PHKA2: variants seen among roughly 807,000 people sequenced by gnomAD.
PHKA2 encodes phosphorylase kinase regulatory subunit alpha 2.
A neutral mutation model predicts 102.0 loss-of-function variants in PHKA2; 31 were observed. That is an observed-to-expected ratio of 0.30 (90% CI 0.23 to 0.41). The LOEUF (loss-of-function observed/expected upper bound fraction) is 0.41, where lower values mean the gene tolerates loss of function less well. Ranked by LOEUF, PHKA2 falls within the 10% of genes least tolerant of loss-of-function variation. The probability of loss-of-function intolerance (pLI) is 1.00; values close to 1 mark genes in which losing one functional copy is unlikely to be tolerated. For missense variants in PHKA2, 858 were observed against 1,023.1 expected, an observed-to-expected ratio of 0.84 and a Z score of 2.20; for synonymous variants, 455 against 416.2, an observed-to-expected ratio of 1.09 and a Z score of -1.13.
chrX:18,978,356 C>T (rs1292536987), intron 1 of PHKA2, among the ~76,000 whole-genome samples: 1 of 111,422 alleles, frequency 9.0e-6, no homozygotes, highest in Middle Eastern at 4.2e-3. Context: ...CCCTCCCCAG[C>T]AGCCTTTTCC....
At chrX:18,926,240 C>T (rs780444456) in intron 14 of PHKA2, among the ~76,000 whole-genome samples, 2 of 112,563 alleles carry the variant, frequency 1.8e-5, no homozygotes, top group Non-Finnish European at 3.7e-5. Flanking sequence ...ACAGATCCGG[C>T]GAATGCTTGG....
chrX:18,922,177 T>C (rs992305192), intron 17 of PHKA2, among the ~76,000 whole-genome samples: 3 of 109,958 alleles, frequency 2.7e-5, no homozygotes, highest in Non-Finnish European at 3.8e-5. Context: ...ACCTGGGGGG[T>C]GGAGGTTGCA....
In PHKA2 at chrX:18,906,014, C is replaced by T. The variant is rs144321105; in HGVS notation, c.2807-155G>A. 6.6e-3 allele frequency among the ~76,000 whole-genome samples: 738 copies of T among 111,719 alleles called. 5 individuals are homozygous for T. Among genetic ancestry groups the T allele is most frequent in the Non-Finnish European group, 0.011 (598 of 53,165 alleles). ...TCACTATTGCTTTGGGGCTGAAATG[C>T]ACTGTTCCGTGGGGATTCTAAATGC... On this transcript the variant is annotated intron_variant, in intron 25 of 32. Coordinates refer to ENST00000379942, the MANE Select transcript of PHKA2 (RefSeq NM_000292.3).
rs191680142 is a variant in PHKA2 at position 18,946,052 on chromosome X, C to T, written c.538-894G>A. ...AAGCAATTCTCCTGCCTCAGCCTCC[C>T]GAGTAGCTGGGATTACAGGCGCACA... On this transcript the variant is annotated intron_variant, in intron 5 of 32. Coordinates refer to ENST00000379942, the MANE Select transcript of PHKA2 (RefSeq NM_000292.3). Among the ~76,000 whole-genome samples the T allele has an allele frequency of 6.8e-3, 750 of 109,825 alleles. 1 individual carries two copies. The highest frequency in any genetic ancestry group is 0.017 in the South Asian group (42 of 2,526).
At chrX:18,893,815 G>A (rs936212755) in intron 32 of PHKA2, among the ~76,000 whole-genome samples, 160 bp from the exon 33 acceptor site, 5 of 112,492 alleles carry the variant, frequency 4.4e-5, no homozygotes, top group East Asian at 2.8e-4. Flanking sequence ...ATGAGGGCAC[G>A]AAGCCAGCGC....
At chrX:18,899,534 CTATT>C (rs1418387948) in intron 28 of PHKA2, among the ~76,000 whole-genome samples, 3 of 112,442 alleles carry the variant, frequency 2.7e-5, no homozygotes, top group African/African-American at 9.7e-5. Context: ...AGTTAGGACA[CTATT>C]TATTTTCCAA....
At chrX:18,938,118 G>A (rs186540030) in intron 10 of PHKA2, among the ~76,000 whole-genome samples, 16 of 112,986 alleles carry the variant, frequency 1.4e-4, no homozygotes, top group African/African-American at 4.8e-4. Context: ...TGTGATGAAA[G>A]TGACATTTTG....
chrX:18,936,406 G>A (rs2048395147), intron 10 of PHKA2, among the ~76,000 whole-genome samples: 1 of 111,970 alleles, frequency 8.9e-6, no homozygotes, highest in Non-Finnish European at 1.9e-5. Flanking sequence ...CAGAAAGAGA[G>A]ACAGAGCACC....
At chrX:18,894,150 C>A in intron 32 of PHKA2, 54 bp downstream of exon 32, 1 of 1,051,447 alleles carries the variant, frequency 9.5e-7, no homozygotes, top group South Asian at 1.9e-5. Context: ...GACACAGAAT[C>A]TCCAGCCTCA....
chrX:18,894,695 T>G, intron 31 of PHKA2: 1 of 412,873 alleles, frequency 2.4e-6, no homozygotes, highest in Non-Finnish European at 4.2e-6. Flanking sequence ...TCCTCTTCAT[T>G]ATTCCTTCCA....
chrX:18,926,639 C>T, intron 13 of PHKA2, 52 bp from the exon 14 acceptor site: 2 of 1,135,283 alleles, frequency 1.8e-6, no homozygotes, highest in Non-Finnish European at 2.4e-6. Flanking sequence ...TGTCTCTTCA[C>T]ATGGACACGT....
chrX:18,916,919 G>C (rs1176584866), intron 19 of PHKA2, among the ~76,000 whole-genome samples: 2 of 109,362 alleles, frequency 1.8e-5, no homozygotes, highest in Non-Finnish European at 3.8e-5. Context: ...TGTTACTCAG[G>C]CTGGAGTGCA....
chrX:18,894,288 C>G lies in PHKA2; in HGVS notation c.3453G>C (p.Ser1151=), dbSNP rs747924699. 1.7e-6 allele frequency: 2 copies of G among 1,211,263 alleles called. No individual in the cohort carries two copies. Among genetic ancestry groups the G allele is most frequent in the Non-Finnish European group, 2.2e-6 (2 of 895,216 alleles). Residue 1151 remains serine, a synonymous_variant, in exon 32 of 33, where the codon TCG becomes TCC. Transcript: ENST00000379942. ...CCCCGATGCTGGTCATCTCCGTGTC[C>G]GAGAGCAGCGTCAGCACCATGATGG... ...VEAIMVLTLL[S]DTEMTSIGGI...
intron 1 of PHKA2, among the ~76,000 whole-genome samples, chrX:18,978,025 A>T (rs1381680826): frequency 2.7e-5 from 3 of 111,180 alleles, no homozygotes; most frequent in African/African-American, 9.8e-5. Flanking sequence ...GCTGGGCATG[A>T]TGGTGACTGT....
At chrX:18,936,926 C>T (rs1205724464) in intron 10 of PHKA2, among the ~76,000 whole-genome samples, 2 of 112,300 alleles carry the variant, frequency 1.8e-5, no homozygotes, top group African/African-American at 6.5e-5. Context: ...GAGTTTTCTT[C>T]CCCCCATCAT....
At chrX:18,905,229 A>G (rs1415247300) in intron 26 of PHKA2, among the ~76,000 whole-genome samples, 3 of 112,436 alleles carry the variant, frequency 2.7e-5, no homozygotes, top group Non-Finnish European at 5.6e-5. Flanking sequence ...GCTGGAGCGC[A>G]GTGGCGCGAT....
chrX:18,897,971 T>C (rs2047605545), intron 29 of PHKA2: 1 of 113,604 alleles, frequency 8.8e-6, no homozygotes, highest in African/African-American at 3.2e-5. Flanking sequence ...GCCCACTTCA[T>C]TGCTGCAGTG....
chrX:18,967,704 G>C (rs1601797333), intron 1 of PHKA2, among the ~76,000 whole-genome samples: 1 of 107,513 alleles, frequency 9.3e-6, no homozygotes, highest in Non-Finnish European at 1.9e-5. Flanking sequence ...CAAACATATA[G>C]GGAAGCAAAG....
intron 21 of PHKA2, 132 bp from the exon 22 acceptor site, chrX:18,908,188 C>T (rs1206074089): frequency 2.8e-5 from 18 of 640,995 alleles, no homozygotes; most frequent in East Asian, 6.5e-5. Flanking sequence ...GGGTTACGCC[C>T]GACCAAAGCT....
Sources: gnomAD v4.1 joint callset for allele counts (sites outside exome capture counted in the v4.1 genomes callset) on GRCh38, gnomAD v4.1.1 for gene constraint, MANE v1.5 for transcripts, NCBI Gene and HGNC (gene_info 2026-07-23, HGNC 2026-07-21) for gene names.